The following CDC25B variants were observed in gnomAD, a reference collection of about 807,000 sequenced individuals.
The protein encoded by CDC25B is M-phase inducer phosphatase 2.
A neutral mutation model predicts 69.8 loss-of-function variants in CDC25B; 33 were observed. The observed-to-expected ratio is 0.47, with a 90% confidence interval of 0.36 to 0.63. CDC25B has a LOEUF of 0.63. Among genes scored for constraint, CDC25B ranks in the 30% least tolerant of loss-of-function variants. The probability of loss-of-function intolerance (pLI) is 0.00; values close to 1 mark genes in which losing one functional copy is unlikely to be tolerated. For missense variants in CDC25B, 727 were observed against 809.1 expected (o/e 0.90, Z 1.23); for synonymous variants, 341 against 314.6 (o/e 1.08, Z -0.89).
intron 1 of CDC25B, among the ~76,000 whole-genome samples, chr20:3,789,846 G>A (rs532561887): frequency 6.6e-6 from 1 of 152,020 alleles, no homozygotes; most frequent in African/African-American, 2.4e-5. Context: ...AAAATTAGCC[G>A]GGCATGGTGG....
chr20:3,796,729 C>T lies in CDC25B; in HGVS notation c.198C>T (p.Gly66=), dbSNP rs1487902104. 1.3e-6 allele frequency: 2 copies of T among 1,566,108 alleles called. No homozygotes were observed. The highest frequency in any genetic ancestry group is 1.7e-6 in the Non-Finnish European group (2 of 1,165,582). The change falls in exon 1 of 16, where the codon GGC becomes GGT. Residue 66 remains glycine (G), a splice_region_variant and synonymous_variant. Coordinates refer to ENST00000245960, the MANE Select transcript of CDC25B (RefSeq NM_021873.4). The part of the protein sequence containing the change: ...TQTMHDLAGL[G]SETPKSQVGT... Reference sequence around the variant, plus strand: ...CCATGCACGACCTCGCCGGGCTCGGCAGGTAGGACACCCCAAGGAGGCTGC... The same window carrying T: ...CCATGCACGACCTCGCCGGGCTCGGTAGGTAGGACACCCCAAGGAGGCTGC...
intron 3 of CDC25B, among the ~76,000 whole-genome samples, chr20:3,799,523 T>TGCGC (rs879400925): frequency 0.014 from 776 of 56,866 alleles, 5 homozygotes; most frequent in African/African-American, 0.048. Context: ...TGTGTGTGTG[T>TGCGC]GTGCGCGCGC....
intron 1 of CDC25B, among the ~76,000 whole-genome samples, chr20:3,787,910 G>A (rs976891300): frequency 3.3e-5 from 5 of 152,080 alleles, no homozygotes; most frequent in East Asian, 1.9e-4. Context: ...CGAAGCAGGC[G>A]GGACCACTTG....
At chr20:3,788,415 T>TG (rs1461789848) in intron 1 of CDC25B, among the ~76,000 whole-genome samples, 2 of 152,252 alleles carry the variant, frequency 1.3e-5, no homozygotes, top group African/African-American at 4.8e-5. Flanking sequence ...TTAAGTATGT[T>TG]GCAAATGTTT....
upstream of CDC25B, among the ~76,000 whole-genome samples, chr20:3,792,941 C>G (rs940833378): frequency 1.3e-5 from 2 of 152,206 alleles, no homozygotes; most frequent in Admixed American, 6.5e-5. Context: ...ACAGTGCCAG[C>G]ACTATTGAGC....
At chr20:3,798,317 T>TTTG in intron 2 of CDC25B, 95 bp from the exon 3 acceptor site, 1 of 93,744 alleles carries the variant, frequency 1.1e-5, no homozygotes, top group Non-Finnish European at 1.4e-5. Flanking sequence ...TAGAAACTGT[T>TTTG]TTTTTTTTTT....
chr20:3,801,261 G>T lies in CDC25B; in HGVS notation c.713G>T (p.Ser238Ile), dbSNP rs771906162. The T allele has an allele frequency of 1.1e-5, 18 of 1,613,808 alleles. No individual in the cohort carries two copies. The highest frequency in any genetic ancestry group is 1.4e-5 in the Non-Finnish European group (17 of 1,179,982). ...PSSAPDLMCL[S>I]PDRKMEVEEL... Reference sequence around the variant, plus strand: ...TGTCTGTCATGTGGACAGTGTCTCAGTCCTGACCGGAAGATGGAAGTGGAG... The same window carrying T: ...TGTCTGTCATGTGGACAGTGTCTCATTCCTGACCGGAAGATGGAAGTGGAG... Residue 238 changes from serine (S) to isoleucine (I), a missense_variant, in exon 8 of 16, where the codon AGT becomes ATT. Transcript: ENST00000245960.
At chr20:3,802,816 C>A in intron 11 of CDC25B, 94 bp from the exon 12 acceptor site, 1 of 1,057,440 alleles carries the variant, frequency 9.5e-7, no homozygotes, top group Non-Finnish European at 1.5e-6. Flanking sequence ...CAGGTGTGGC[C>A]TCTGATTTTG....
chr20:3,795,763 C>T (rs1228968465), upstream of CDC25B: 27 of 985,406 alleles, frequency 2.7e-5, no homozygotes, highest in Non-Finnish European at 3.1e-5. Flanking sequence ...CGCAGCCAGT[C>T]GCGGAGGCGG....
At position 3,801,108 on chromosome 20, in the gene CDC25B, C is replaced by T. The variant is rs532990796; in HGVS notation, c.705+15C>T. 3.1e-5 allele frequency: 50 copies of T among 1,613,510 alleles called. No individual in the cohort carries two copies. The highest frequency in any genetic ancestry group is 2.5e-4 in the African/African-American group (19 of 75,030). ...CCGACCTGATGGTACATCCAGAGAG[C>T]GGATCCCTGGGAGGGGCCTGGGGAG... On this transcript the variant is annotated intron_variant, in intron 7 of 15. Coordinates refer to ENST00000245960, the MANE Select transcript of CDC25B (RefSeq NM_021873.4).
chr20:3,792,281 A>G (rs2088928042), upstream of CDC25B, among the ~76,000 whole-genome samples: 1 of 151,432 alleles, frequency 6.6e-6, no homozygotes, highest in Admixed American at 6.6e-5. Context: ...GTAAAGATAT[A>G]GACCTGCAGC....
At position 3,796,416 on chromosome 20, in the gene CDC25B, CT is replaced by C. The variant is rs1183838565; in HGVS notation, c.-114del. 28 of 393,986 alleles carry C rather than the reference CT, an allele frequency of 7.1e-5. No homozygotes were observed. Among genetic ancestry groups the C allele is most frequent in the South Asian group, 3.4e-4 (5 of 14,510 alleles). The allele number at this position is 393,986 out of a possible 1,614,324, so 24.4% of individuals were successfully genotyped here. ...CCCTGTGGCTCTTCCTCCCTCCCTC[CT>C]TCCCCCCCCCCCCACCCCTCGCCCG... On this transcript the variant is annotated 5_prime_UTR_variant, in exon 1 of 16. Coordinates refer to ENST00000245960, the MANE Select transcript of CDC25B (RefSeq NM_021873.4).
Position 3,803,350 on chromosome 20 carries a change from A to G in CDC25B, c.1357-54A>G. ...AGAGAAGGACAGCGACTGCACGGGG[A>G]GGGCCCTGACTCCTGGACCCGGGGC... On this transcript the variant is annotated intron_variant, in intron 13 of 15. Transcript: ENST00000245960. This position sits in a 1 kb window ranked among gnomAD's most constrained non-coding sequence, Gnocchi z 4.9. 1.2e-6 allele frequency: 2 copies of G among 1,611,608 alleles called. No individual in the cohort carries two copies. Among genetic ancestry groups the G allele is most frequent in the South Asian group, 2.2e-5 (2 of 90,994 alleles).
At chr20:3,800,892 A>C in intron 6 of CDC25B, 27 bp downstream of exon 6, 2 of 1,612,916 alleles carry the variant, frequency 1.2e-6, no homozygotes, top group East Asian at 4.5e-5. Context: ...CCGGGGTGGG[A>C]GCTCTCCGGG....
intron 1 of CDC25B, among the ~76,000 whole-genome samples, chr20:3,790,784 G>A (rs1199617271): frequency 2.0e-5 from 3 of 151,878 alleles, no homozygotes; most frequent in African/African-American, 7.3e-5. Flanking sequence ...TGGCCAGGCT[G>A]GTCTCAAACT....
intron 1 of CDC25B, among the ~76,000 whole-genome samples, chr20:3,788,300 T>C (rs1326847662): frequency 6.6e-6 from 1 of 152,228 alleles, no homozygotes; most frequent in Non-Finnish European, 1.5e-5. Flanking sequence ...GTATGTTTCT[T>C]GGCCATTTGA....
intron 5 of CDC25B, 71 bp from the exon 6 acceptor site, chr20:3,800,672 G>A: frequency 6.3e-7 from 1 of 1,598,926 alleles, no homozygotes; most frequent in Non-Finnish European, 8.5e-7. Flanking sequence ...GGTGGAGAAG[G>A]TAGGGCCTGG....
chr20:3,801,555 G>A, intron 8 of CDC25B, 167 bp downstream of exon 8: 1 of 1,074,690 alleles, frequency 9.3e-7, no homozygotes, highest in South Asian at 1.6e-5. Flanking sequence ...GAGAAGAACA[G>A]GTGGCTGGTG....
rs11696899 is a variant in CDC25B at position 3,803,346 on chromosome 20, G to A, written c.1357-58G>A. 2.9e-3 allele frequency: 4,650 copies of A among 1,611,616 alleles called. 13 individuals carry two copies. Among genetic ancestry groups the A allele is most frequent in the Middle Eastern group, 0.01 (61 of 6,040 alleles). ...ACTAAGAGAAGGACAGCGACTGCAC[G>A]GGGAGGGCCCTGACTCCTGGACCCG... On this transcript the variant is annotated intron_variant, in intron 13 of 15. Transcript: ENST00000245960. This position sits in a 1 kb window ranked among gnomAD's most constrained non-coding sequence, Gnocchi z 4.9.
Sources: allele counts gnomAD v4.1 joint callset (sites outside exome capture counted in the v4.1 genomes callset), GRCh38; gene constraint gnomAD v4.1.1; non-coding constraint Gnocchi (gnomAD v3.1); transcripts MANE v1.5; gene names NCBI Gene and HGNC (gene_info 2026-07-23, HGNC 2026-07-21).